The following SNX18 variants were observed in gnomAD, a reference collection of about 807,000 sequenced individuals.
SNX18 encodes the protein sorting nexin 18, also known as sorting nexin-18.
In SNX18, 35 loss-of-function variants were observed where a neutral mutation model predicts 48.7. The observed-to-expected ratio is 0.72, with a 90% CI of 0.55 to 0.95. The LOEUF (loss-of-function observed/expected upper bound fraction) is 0.95, where lower values mean the gene tolerates loss of function less well. Ranked by LOEUF, SNX18 falls within the 40% of genes least tolerant of loss-of-function variation. The pLI is 0.00. For missense variants in SNX18, 824 were observed against 871.0 expected (o/e 0.95, Z 0.68); for synonymous variants, 492 against 384.7 (o/e 1.28, Z -3.26).
At chr5:54,548,654 AC>A (rs1369322877), downstream of SNX18, among the ~76,000 whole-genome samples, 1 of 152,218 alleles carries the variant, frequency 6.6e-6, no homozygotes, top group Admixed American at 6.5e-5. Context: ...TGAAGCCTTA[AC>A]CATTTTGCAA....
chr5:54,519,626 AGG>A (rs747022570), intron 1 of SNX18, 53 bp downstream of exon 1: 1 of 1,614,190 alleles, frequency 6.2e-7, no homozygotes, highest in East Asian at 2.2e-5. Context: ...GCAGGCTGAA[AGG>A]GGCGACTTTG....
intron 1 of SNX18, among the ~76,000 whole-genome samples, chr5:54,526,476 T>C (rs1329736791): frequency 5.3e-5 from 8 of 152,336 alleles, no homozygotes; most frequent in South Asian, 2.1e-4. Context: ...GTCATTTCTG[T>C]ACCTTTTCTT....
At chr5:54,565,082 AC>A in the SNX18 span, among the ~76,000 whole-genome samples, 3 of 151,954 alleles carry the variant, frequency 2.0e-5, no homozygotes, top group African/African-American at 7.3e-5. Context: ...CCATTTTTTC[AC>A]CTGTAAGGAC....
chr5:54,589,648 C>T, the SNX18 span, among the ~76,000 whole-genome samples: 2 of 152,134 alleles, frequency 1.3e-5, no homozygotes, highest in East Asian at 1.9e-4. Flanking sequence ...CCCAACAGGC[C>T]GTGAGCTTGG....
chr5:54,639,440 T>C, the SNX18 span, among the ~76,000 whole-genome samples: 1 of 152,192 alleles, frequency 6.6e-6, no homozygotes, highest in African/African-American at 2.4e-5. Context: ...GATGGACAAA[T>C]GAACTTGGTA....
the SNX18 span, among the ~76,000 whole-genome samples, chr5:54,617,341 C>T: frequency 6.6e-6 from 1 of 152,220 alleles, no homozygotes; most frequent in Non-Finnish European, 1.5e-5. Flanking sequence ...GTTCTTATAG[C>T]TCCTGTTTGG....
chr5:54,592,238 A>G, the SNX18 span, among the ~76,000 whole-genome samples: 1 of 152,142 alleles, frequency 6.6e-6, no homozygotes, highest in Admixed American at 6.5e-5. Context: ...GATCTGCCGA[A>G]TTTGGCCTCC....
the SNX18 span, among the ~76,000 whole-genome samples, chr5:54,584,297 C>G: frequency 6.6e-6 from 1 of 152,026 alleles, no homozygotes; most frequent in Non-Finnish European, 1.5e-5. Flanking sequence ...GTCCGCGTGC[C>G]TCAGCCTCCA....
chr5:54,611,771 G>C, the SNX18 span, among the ~76,000 whole-genome samples: 1 of 152,252 alleles, frequency 6.6e-6, no homozygotes, highest in South Asian at 2.1e-4. Context: ...GGAAATGATG[G>C]GGAAGCAACT....
chr5:54,615,701 C>T, the SNX18 span, among the ~76,000 whole-genome samples: 1 of 152,176 alleles, frequency 6.6e-6, no homozygotes, highest in African/African-American at 2.4e-5. Flanking sequence ...CAAGAGTGCA[C>T]AATCCTTCAG....
chr5:54,544,042 G>A lies in SNX18; in HGVS notation c.*610G>A, dbSNP rs1391821417. On this transcript the variant is annotated 3_prime_UTR_variant, in exon 2 of 2. Coordinates refer to ENST00000381410, the MANE Select transcript of SNX18 (RefSeq NM_001102575.2). ...ATATTGGCAGTAGGGGGTGGGGGGG[G>A]CGGTGGGGTGGGACGATCAGCTGTC... 2 of 146,648 alleles carry A rather than the reference G, an allele frequency of 1.4e-5. No individual in the cohort carries two copies. Among genetic ancestry groups the A allele is most frequent in the Non-Finnish European group, 3.0e-5 (2 of 65,966 alleles). 9.1% of individuals were successfully genotyped at this position (146,648 alleles called of 1,614,324 possible).
rs905766971 is a variant in SNX18 at position 54,518,368 on chromosome 5, A to G, written c.416A>G (p.Gln139Arg). 5 of 1,558,770 alleles carry G rather than the reference A, an allele frequency of 3.2e-6. 1 individual carries two copies. In the Admixed American group the frequency reaches 5.6e-5, roughly 18 times the overall value. ...GGGALQPSPQQLYGGYQASQG... is the reference protein window; with the variant it reads ...GGGALQPSPQRLYGGYQASQG... Reference sequence around the variant, plus strand: ...GGCGCCCTGCAGCCGTCGCCTCAGCAGCTCTACGGCGGCTACCAGGCCAGC... The same window carrying G: ...GGCGCCCTGCAGCCGTCGCCTCAGCGGCTCTACGGCGGCTACCAGGCCAGC... Residue 139 changes from glutamine (Q) to arginine (R), a missense_variant, in exon 1 of 2, where the codon CAG becomes CGG. By Grantham distance (43) the Gln-to-Arg change is conservative (BLOSUM62 1). Transcript: ENST00000381410.
At chr5:54,621,194 T>G in the SNX18 span, among the ~76,000 whole-genome samples, 2 of 152,228 alleles carry the variant, frequency 1.3e-5, no homozygotes, top group African/African-American at 4.8e-5. Flanking sequence ...ACAGGCACTC[T>G]GACCTGGGTT....
In SNX18 at chr5:54,518,453, G is replaced by A; in HGVS notation, c.501G>A (p.Glu167=). The A allele has an allele frequency of 6.4e-7, 1 of 1,572,760 alleles. No individual in the cohort carries two copies. The highest frequency in any genetic ancestry group is 8.6e-7 in the Non-Finnish European group (1 of 1,160,032). Residue 167 remains glutamate, a synonymous_variant, in exon 1 of 2, where the codon GAG becomes GAA. Coordinates refer to ENST00000381410, the MANE Select transcript of SNX18 (RefSeq NM_001102575.2). ...EWDDSSTVAD[E]PGALGSGAYP... is the part of the protein sequence containing the mutation. The stretch of plus-strand genomic sequence containing the variant: ...ACGACAGCTCCACGGTGGCGGACGA[G>A]CCGGGCGCTCTGGGCAGCGGAGCAT...
the SNX18 span, among the ~76,000 whole-genome samples, chr5:54,574,277 TG>T: frequency 1.3e-5 from 2 of 152,298 alleles, no homozygotes; most frequent in African/African-American, 4.8e-5. Context: ...CACAGCATAG[TG>T]GCTGGGCGCT....
At chr5:54,591,321 A>G in the SNX18 span, among the ~76,000 whole-genome samples, 1 of 152,148 alleles carries the variant, frequency 6.6e-6, no homozygotes, top group Non-Finnish European at 1.5e-5. Flanking sequence ...CTGGGACTAC[A>G]GGCCTGCTGT....
the SNX18 span, among the ~76,000 whole-genome samples, chr5:54,558,415 G>T: frequency 2.0e-5 from 3 of 151,856 alleles, no homozygotes; most frequent in African/African-American, 7.3e-5. Context: ...TTTCTTTCAA[G>T]ATTAGAGTAA....
At chr5:54,610,082 T>G in the SNX18 span, among the ~76,000 whole-genome samples, 3 of 152,180 alleles carry the variant, frequency 2.0e-5, no homozygotes, top group African/African-American at 7.2e-5. Flanking sequence ...TCCCAGAAGC[T>G]GAGCAGATGC....
the SNX18 span, among the ~76,000 whole-genome samples, chr5:54,611,890 T>TA: frequency 6.1e-4 from 93 of 151,606 alleles, no homozygotes; most frequent in Middle Eastern, 3.4e-3. Context: ...TCTTTTTTTT[T>TA]AATTAGAGAC....
Sources: allele counts gnomAD v4.1 joint callset (sites outside exome capture counted in the v4.1 genomes callset), GRCh38; gene constraint gnomAD v4.1.1; transcripts MANE v1.5; gene names NCBI Gene and HGNC (gene_info 2026-07-23, HGNC 2026-07-21).